The following ZNF30 variants were observed in gnomAD, a reference collection of about 807,000 sequenced individuals.
ZNF30 encodes the protein zinc finger protein 30, also known as zinc finger protein 30 (KOX 28).
In ZNF30, 15 loss-of-function variants were observed where a neutral mutation model predicts 13.2. The ratio of observed to expected loss-of-function variants is 1.13; its 90% confidence interval spans 0.76 to 1.75. The LOEUF is 1.75. ZNF30 is among the 40% of genes most tolerant of loss of function. The pLI is 0.00. For missense variants in ZNF30, 726 were observed against 757.0 expected (o/e 0.96, Z 0.48); for synonymous variants, 223 against 256.6 (o/e 0.87, Z 1.25).
At chr19:34,928,336 T>C (rs988774546) in intron 1 of ZNF30, among the ~76,000 whole-genome samples, 1 of 150,458 alleles carries the variant, frequency 6.6e-6, no homozygotes, top group Admixed American at 6.7e-5. Flanking sequence ...ATGTATAATG[T>C]TTACGTAATA....
At chr19:34,941,495 C>T (rs965716774) in intron 4 of ZNF30, among the ~76,000 whole-genome samples, 1 of 152,222 alleles carries the variant, frequency 6.6e-6, no homozygotes, top group Admixed American at 6.5e-5. Context: ...GAACTCCTGA[C>T]TTCATGATCT....
chr19:34,924,356 C>G (rs547883960), upstream of ZNF30, among the ~76,000 whole-genome samples: 4 of 152,054 alleles, frequency 2.6e-5, no homozygotes, highest in South Asian at 2.1e-4. Context: ...TTCTACCCAC[C>G]ATGGAACCCA....
At chr19:34,933,794 A>ACTTCC in intron 4 of ZNF30, 71 bp downstream of exon 4, 1 of 1,047,692 alleles carries the variant, frequency 9.5e-7, no homozygotes, top group Non-Finnish European at 1.4e-6. Flanking sequence ...GAGGAAGTGC[A>ACTTCC]TCTCTGCAAT....
chr19:34,934,823 A>G (rs191110322), intron 4 of ZNF30, among the ~76,000 whole-genome samples: 5 of 152,318 alleles, frequency 3.3e-5, no homozygotes, highest in African/African-American at 1.2e-4. Context: ...CACAGGGCTT[A>G]AAACCTAGAT....
chr19:34,939,618 A>G (rs1424337239), intron 4 of ZNF30, among the ~76,000 whole-genome samples: 1 of 152,126 alleles, frequency 6.6e-6, no homozygotes, highest in East Asian at 1.9e-4. Context: ...CCAGCCTAAA[A>G]GCTAATTTTT....
intron 4 of ZNF30, among the ~76,000 whole-genome samples, chr19:34,942,443 CAA>C (rs911384556): frequency 8.8e-6 from 1 of 113,490 alleles, no homozygotes. Context: ...AGATCCTATC[CAA>C]AAAAAAAAAG....
chr19:34,942,260 T>C (rs1483167944), intron 4 of ZNF30, among the ~76,000 whole-genome samples: 1 of 152,014 alleles, frequency 6.6e-6, no homozygotes, highest in African/African-American at 2.4e-5. Flanking sequence ...CTGGGCAATG[T>C]GGCAAGACCC....
intron 4 of ZNF30, among the ~76,000 whole-genome samples, chr19:34,938,192 G>A (rs1224260432): frequency 2.0e-5 from 3 of 152,140 alleles, no homozygotes; most frequent in African/African-American, 7.2e-5. Context: ...GGGAGGCAAG[G>A]CAGTGCCAAG....
In ZNF30 at chr19:34,943,773, C is replaced by CA. The variant is rs1424520355; in HGVS notation, c.808dup (p.Ser270LysfsTer16). The CA allele has an allele frequency of 6.2e-7, 1 of 1,613,520 alleles. No individual in the cohort carries two copies. Among genetic ancestry groups the CA allele is most frequent in the African/African-American group, 1.3e-5 (1 of 74,798 alleles). On this transcript the variant is annotated frameshift_variant, in exon 5 of 5. Coordinates refer to ENST00000601142, the MANE Select transcript of ZNF30 (RefSeq NM_194325.3). LOFTEE classifies it low-confidence loss of function (END_TRUNC). ...GGTGTGAGGAGTGTGGGAAGGCCTT[C>CA]AGTACCTTTTCATACCTGGTTCAAC...
At chr19:34,935,124 G>A (rs961308162) in intron 4 of ZNF30, among the ~76,000 whole-genome samples, 9 of 151,924 alleles carry the variant, frequency 5.9e-5, no homozygotes, top group Admixed American at 6.6e-5. Context: ...CCAGCTACTC[G>A]GGAGGCTGAG....
intron 3 of ZNF30, 112 bp from the exon 4 acceptor site, chr19:34,933,516 G>A (rs1052226690): frequency 1.6e-5 from 11 of 687,256 alleles, no homozygotes; most frequent in Non-Finnish European, 2.8e-5. Flanking sequence ...TCGTGTCTGA[G>A]ATATAAAGGT....
At position 34,944,257 on chromosome 19, in the gene ZNF30, A is replaced by G; in HGVS notation, c.1291A>G (p.Lys431Glu). The G allele has an allele frequency of 6.2e-7, 1 of 1,613,452 alleles. No individual in the cohort carries two copies. Among genetic ancestry groups the G allele is most frequent in the South Asian group, 1.1e-5 (1 of 91,030 alleles). The change falls in exon 5 of 5, where the codon AAG (lysine) becomes GAG (glutamate). Residue 431 changes from lysine (K) to glutamate (E), a missense_variant. Physicochemically the swap from Lys to Glu is moderately conservative, Grantham distance 56 (BLOSUM62 1). Coordinates refer to ENST00000601142, the MANE Select transcript of ZNF30 (RefSeq NM_194325.3). Reference sequence around the variant, plus strand: ...TACTGGGGAGAAACCCTATGAATGTAAGGAATGTGGCAAAGCCTTTATTAG... The same window carrying G: ...TACTGGGGAGAAACCCTATGAATGTGAGGAATGTGGCAAAGCCTTTATTAG... ...IHTGEKPYEC[K>E]ECGKAFISRH... is the part of the protein sequence containing the mutation.
rs746622429 is a variant in ZNF30 at position 34,943,431 on chromosome 19, G to A, written c.465G>A (p.Lys155=). The stretch of plus-strand genomic sequence containing the variant: ...CCAACAGATGTAAAGAATGTGGGAA[G>A]AACTTTAGTAATGGACATCAACTCA... ...EKPNRCKECG[K]NFSNGHQLTI... Residue 155 remains lysine, a synonymous_variant, in exon 5 of 5, where the codon AAG becomes AAA. Transcript: ENST00000601142. 6.2e-7 allele frequency: 1 copy of A among 1,613,912 alleles called. No individual in the cohort carries two copies. Among genetic ancestry groups the A allele is most frequent in the Admixed American group, 1.7e-5 (1 of 60,028 alleles).
intron 2 of ZNF30, among the ~76,000 whole-genome samples, chr19:34,930,626 G>T (rs1023362499): frequency 6.6e-6 from 1 of 152,162 alleles, no homozygotes; most frequent in Non-Finnish European, 1.5e-5. Flanking sequence ...GGGAGCCCCA[G>T]GTGGGAGGAT....
At chr19:34,926,166 C>A (rs777431108), upstream of ZNF30, among the ~76,000 whole-genome samples, 9 of 152,042 alleles carry the variant, frequency 5.9e-5, no homozygotes, top group Non-Finnish European at 1.0e-4. Context: ...AGAGGGAGAC[C>A]CTGTCTCAAA....
chr19:34,937,557 C>T (rs1230113395), intron 4 of ZNF30, among the ~76,000 whole-genome samples: 1 of 151,752 alleles, frequency 6.6e-6, no homozygotes, highest in Non-Finnish European at 1.5e-5. Context: ...CATAGCAGGA[C>T]CCCCCATCTC....
rs184994655 is a variant in ZNF30, at chr19:34,929,868, T to C, written c.-64-16T>C. 7.4e-7 allele frequency: 1 copy of C among 1,358,454 alleles called. No homozygotes were observed. The highest frequency in any genetic ancestry group is 1.0e-6 in the Non-Finnish European group (1 of 984,298). 84.2% of individuals were successfully genotyped at this position (1,358,454 alleles called of 1,614,324 possible). A position where few individuals can be genotyped will look rare whatever the true frequency, so the allele number is the denominator to read the frequency against. Reference sequence around the variant, plus strand: ...AGAACACTAAAGCCTCCTTTTCTCCTCTCTGGATTTTCTAGCTTTTGAACT... The same window carrying C: ...AGAACACTAAAGCCTCCTTTTCTCCCCTCTGGATTTTCTAGCTTTTGAACT... On this transcript the variant is annotated splice_polypyrimidine_tract_variant and intron_variant, in intron 1 of 4. Coordinates refer to ENST00000601142, the MANE Select transcript of ZNF30 (RefSeq NM_194325.3).
rs1468115235 is a variant in ZNF30 at position 34,944,245 on chromosome 19, C to G, written c.1279C>G (p.Pro427Ala). The G allele has an allele frequency of 1.9e-6, 3 of 1,613,328 alleles. No individual in the cohort carries two copies. Among genetic ancestry groups the G allele is most frequent in the Non-Finnish European group, 2.5e-6 (3 of 1,179,826 alleles). ...QHQRIHTGEK[P>A]YECKECGKAF... is the part of the protein sequence containing the mutation. ...TCAGAGGATCCATACTGGGGAGAAA[C>G]CCTATGAATGTAAGGAATGTGGCAA... is the stretch of plus-strand genomic sequence containing the variant. The change falls in exon 5 of 5, where the codon CCC (proline) becomes GCC (alanine). Residue 427 changes from proline (P) to alanine (A), a missense_variant. By Grantham distance (27) the Pro-to-Ala change is conservative. Coordinates refer to ENST00000601142, the MANE Select transcript of ZNF30 (RefSeq NM_194325.3).
At chr19:34,928,220 AATATATATATATATAT>A (rs374649415) in intron 1 of ZNF30, among the ~76,000 whole-genome samples, 7 of 73,416 alleles carry the variant, frequency 9.5e-5, no homozygotes, top group Non-Finnish European at 1.3e-4. Flanking sequence ...AAAAAAAAAA[AATATATATATATATAT>A]ATATATATAT....
Sources: allele counts gnomAD v4.1 joint callset (sites outside exome capture counted in the v4.1 genomes callset), GRCh38; gene constraint gnomAD v4.1.1; transcripts MANE v1.5; gene names NCBI Gene and HGNC (gene_info 2026-07-23, HGNC 2026-07-21).